Variants in MOK observed in about 807,000 individuals in gnomAD.
MOK encodes the protein MAPK/MAK/MRK overlapping kinase.
Under a neutral mutation model 54.2 loss-of-function variants are expected in MOK, and 59 were observed. The ratio of observed to expected loss-of-function variants is 1.09; its 90% CI spans 0.88 to 1.35. The LOEUF is 1.35. Ranked by LOEUF, MOK falls within the 40% of genes most tolerant of loss-of-function variation. The pLI is 0.00. For missense variants in MOK, 517 were observed against 526.2 expected (o/e 0.98, Z 0.17); for synonymous variants, 210 against 202.7 (o/e 1.04, Z -0.31).
In MOK at chr14:102,293,701, C is replaced by CAAAAAAAAAAAAAAAAAAA. The variant is rs10598736; in HGVS notation, c.8-10128_8-10110dup. On this transcript the variant is annotated intron_variant, in intron 1 of 11. Coordinates refer to ENST00000361847, the MANE Select transcript of MOK (RefSeq NM_014226.3). ...GGGCAACAAGAGCGAAACTCCATCA[C>CAAAAAAAAAAAAAAAAAAA]AAAAAAAAAAAAAAAAAAAAAAAAA... is the stretch of plus-strand genomic sequence containing the variant. Among the ~76,000 whole-genome samples, 212 of 54,504 alleles carry CAAAAAAAAAAAAAAAAAAA rather than the reference C, an allele frequency of 3.9e-3. 1 individual carries two copies. Among genetic ancestry groups the CAAAAAAAAAAAAAAAAAAA allele is most frequent in the Non-Finnish European group, 4.8e-3 (133 of 27,592 alleles). 35.8% of individuals were successfully genotyped at this position (54,504 alleles called of 152,430 possible). A position where few individuals can be genotyped will look rare whatever the true frequency, so the allele number is the denominator to read the frequency against.
chr14:102,224,820 C>CT (rs1201714007), downstream of MOK: 5 of 455,842 alleles, frequency 1.1e-5, no homozygotes, highest in African/African-American at 4.0e-5. Context: ...ATAAAAGACA[C>CT]TAAGACTTGC....
At chr14:102,266,114 T>C (rs988339485) in intron 2 of MOK, among the ~76,000 whole-genome samples, 9 of 152,220 alleles carry the variant, frequency 5.9e-5, no homozygotes, top group African/African-American at 2.2e-4. Flanking sequence ...AGCTAGAACA[T>C]ACGTTAAAAT....
At position 102,283,511 on chromosome 14, in the gene MOK, T is replaced by C; in HGVS notation, c.89A>G (p.Tyr30Cys). The C allele has an allele frequency of 1.2e-6, 2 of 1,613,616 alleles. No homozygotes were observed. Among genetic ancestry groups the C allele is most frequent in the Non-Finnish European group, 1.7e-6 (2 of 1,179,776 alleles). The part of the protein sequence containing the change: ...KMQSLRDGNY[Y>C]ACKQMKQRFE... ...GCGCTGCTTCATTTGTTTACATGCA[T>C]AGTAGTTTCCATCTCTCAGGCTTTG... The change falls in exon 2 of 12, where the codon TAT (tyrosine) becomes TGT (cysteine). Residue 30 changes from tyrosine (Y) to cysteine (C), a missense_variant. By Grantham distance (194) the Tyr-to-Cys change is radical. Transcript: ENST00000361847.
In MOK at chr14:102,274,999, A is replaced by G. The variant is rs181112210; in HGVS notation, c.122+8479T>C. The stretch of plus-strand genomic sequence containing the variant: ...CAAAAAAAAAAAAAAAGAAGAAGAA[A>G]GACTTTTAGTATCTGACTTCAAAAC... On this transcript the variant is annotated intron_variant, in intron 2 of 11. Coordinates refer to ENST00000361847, the MANE Select transcript of MOK (RefSeq NM_014226.3). Among the ~76,000 whole-genome samples the G allele has an allele frequency of 1.4e-4, 21 of 152,078 alleles. 1 individual carries two copies. The highest frequency in any genetic ancestry group is 5.1e-4 in the African/African-American group (21 of 41,502).
the MOK span, among the ~76,000 whole-genome samples, chr14:102,217,715 G>C: frequency 6.6e-6 from 1 of 152,212 alleles, no homozygotes; most frequent in African/African-American, 2.4e-5. Flanking sequence ...GGTTTGCTTT[G>C]GTTCCTTTCT....
At chr14:102,298,880 G>A (rs1175330663) in intron 1 of MOK, among the ~76,000 whole-genome samples, 1 of 152,214 alleles carries the variant, frequency 6.6e-6, no homozygotes, top group African/African-American at 2.4e-5. Flanking sequence ...CCCACCAGGA[G>A]GAATGAACAA....
At chr14:102,277,660 A>C (rs2069004887) in intron 2 of MOK, among the ~76,000 whole-genome samples, 1 of 152,082 alleles carries the variant, frequency 6.6e-6, no homozygotes, top group South Asian at 2.1e-4. Flanking sequence ...AACAGTAATG[A>C]TGAATCTCAA....
intron 2 of MOK, among the ~76,000 whole-genome samples, chr14:102,281,241 T>C (rs1428653398): frequency 6.6e-6 from 1 of 152,008 alleles, no homozygotes; most frequent in East Asian, 1.9e-4. Flanking sequence ...GGAGAATTGC[T>C]TGAACCTGGG....
At chr14:102,253,611 T>C (rs1038235855) in intron 4 of MOK, among the ~76,000 whole-genome samples, 3 of 152,244 alleles carry the variant, frequency 2.0e-5, no homozygotes, top group Non-Finnish European at 4.4e-5. Context: ...CACAGTCCCC[T>C]GCAGCTGCCC....
At chr14:102,220,228 G>C (rs1314432205), downstream of MOK, among the ~76,000 whole-genome samples, 1 of 152,140 alleles carries the variant, frequency 6.6e-6, no homozygotes, top group Non-Finnish European at 1.5e-5. This position sits in a 1 kb window ranked among gnomAD's most constrained non-coding sequence, Gnocchi z 4.2. Context: ...CTCACACTCA[G>C]TGAGAGGAAG....
chr14:102,242,852 T>C (rs2065823405), intron 7 of MOK, among the ~76,000 whole-genome samples: 1 of 152,126 alleles, frequency 6.6e-6, no homozygotes, highest in African/African-American at 2.4e-5. Context: ...CCACAACCCA[T>C]TATTCTGTTC....
At position 102,229,484 on chromosome 14, in the gene MOK, G is replaced by A. The variant is rs149501495; in HGVS notation, c.1155C>T (p.Pro385=). ...TCTTGCTCGCAGGGATGCACTTCAAGGGTCTCAGCACCGGCACTCTTCCAT... is the reference window on the plus strand; with the variant it reads ...TCTTGCTCGCAGGGATGCACTTCAAAGGTCTCAGCACCGGCACTCTTCCAT... The part of the protein sequence containing the change: ...GTNGRVPVLR[P]LKCIPASKKT... The change falls in exon 11 of 12, where the codon CCC becomes CCT. Residue 385 remains proline, a synonymous_variant. Coordinates refer to ENST00000361847, the MANE Select transcript of MOK (RefSeq NM_014226.3). 9.0e-5 allele frequency: 145 copies of A among 1,614,194 alleles called. No individual in the cohort carries two copies. In the African/African-American group the frequency reaches 1.4e-3, roughly 15 times the overall value.
rs112273543 is a variant in MOK at position 102,270,567 on chromosome 14, C to T, written c.123-4655G>A. Among the ~76,000 whole-genome samples the T allele has an allele frequency of 2.5e-3, 383 of 151,702 alleles. 2 individuals are homozygous for T. The highest frequency in any genetic ancestry group is 7.7e-3 in the African/African-American group (318 of 41,348). On this transcript the variant is annotated intron_variant, in intron 2 of 11. Transcript: ENST00000361847. ...AGTGAGGCGAGATTGTGCCATTGCA[C>T]TCCAGCCTGGGCAAGAGCAAGACTC... is the stretch of plus-strand genomic sequence containing the variant.
At position 102,265,880 on chromosome 14, in the gene MOK, T is replaced by A; in HGVS notation, c.155A>T (p.Gln52Leu). The A allele has an allele frequency of 6.2e-7, 1 of 1,614,068 alleles. No homozygotes were observed. The highest frequency in any genetic ancestry group is 1.1e-5 in the South Asian group (1 of 91,080). Residue 52 changes from glutamine (Q) to leucine (L), a missense_variant, in exon 3 of 12, where the codon CAA becomes CTA. Physicochemically the swap from Gln to Leu is moderately radical, Grantham distance 113. Coordinates refer to ENST00000361847, the MANE Select transcript of MOK (RefSeq NM_014226.3). ...IEQVNNLREIQALRRLNPHPN... is the reference protein window; with the variant it reads ...IEQVNNLREILALRRLNPHPN... ...GTGCGGATTCAGGCGCCTCAGTGCTTGGATCTCTCGTAGGTTGTTGACTTG... is the reference window on the plus strand; with the variant it reads ...GTGCGGATTCAGGCGCCTCAGTGCTAGGATCTCTCGTAGGTTGTTGACTTG...
chr14:102,305,056 C>T lies in MOK; in HGVS notation c.-88G>A. 6.7e-7 allele frequency: 1 copy of T among 1,493,282 alleles called. No individual in the cohort carries two copies. The highest frequency in any genetic ancestry group is 9.2e-7 in the Non-Finnish European group (1 of 1,089,908). The allele number at this position is 1,493,282 out of a possible 1,614,324, so 92.5% of individuals were successfully genotyped here. On this transcript the variant is annotated 5_prime_UTR_variant, in exon 1 of 12. Transcript: ENST00000361847. ...AGGTTGTCCCCCTGCTTTCCACTTC[C>T]CTGAGGCGGGGTCCCGCACTAGGAT...
intron 1 of MOK, among the ~76,000 whole-genome samples, chr14:102,302,872 A>G (rs1442582517): frequency 6.6e-6 from 1 of 151,590 alleles, no homozygotes; most frequent in East Asian, 1.9e-4. Context: ...TGAAGAGTCT[A>G]AGAGGAAGGC....
At chr14:102,221,966 T>C (rs190535302), downstream of MOK, among the ~76,000 whole-genome samples, 1 of 152,326 alleles carries the variant, frequency 6.6e-6, no homozygotes, top group Admixed American at 6.5e-5. This position sits in a 1 kb window ranked among gnomAD's most constrained non-coding sequence, Gnocchi z 4.8. Context: ...TTTGATGTAA[T>C]GTAATTGCTG....
chr14:102,299,630 G>A (rs1366806905), intron 1 of MOK, among the ~76,000 whole-genome samples: 1 of 152,044 alleles, frequency 6.6e-6, no homozygotes, highest in African/African-American at 2.4e-5. Context: ...TTGACATCCA[G>A]GCTGGAGAGC....
At chr14:102,284,785 G>A (rs2069842176) in intron 1 of MOK, among the ~76,000 whole-genome samples, 1 of 152,122 alleles carries the variant, frequency 6.6e-6, no homozygotes. Flanking sequence ...AAAGAAATAA[G>A]GCAGGCTTGG....
Sources: allele counts gnomAD v4.1 joint callset (sites outside exome capture counted in the v4.1 genomes callset), GRCh38; gene constraint gnomAD v4.1.1; non-coding constraint Gnocchi (gnomAD v3.1); transcripts MANE v1.5; gene names NCBI Gene and HGNC (gene_info 2026-07-23, HGNC 2026-07-21).